EVC2: variants seen among roughly 807,000 people sequenced by gnomAD.
The protein encoded by EVC2 is EvC ciliary complex subunit 2.
Under a neutral mutation model 149.3 loss-of-function variants are expected in EVC2, and 148 were observed. The ratio of observed to expected loss-of-function variants is 0.99; its 90% CI spans 0.87 to 1.14. The LOEUF (loss-of-function observed/expected upper bound fraction) is 1.14. Ranked by LOEUF, EVC2 falls within the 50% of genes most tolerant of loss-of-function variation. The pLI is 0.00. For synonymous variants in EVC2, 776 were observed against 649.9 expected (o/e 1.19, Z -2.95); for missense variants, 1,854 against 1,627.3 (o/e 1.14, Z -2.40).
chr4:5,662,703 T>C (rs546703975), intron 9 of EVC2, among the ~76,000 whole-genome samples: 59 of 147,594 alleles, frequency 4.0e-4, no homozygotes, highest in African/African-American at 1.4e-3. Flanking sequence ...ATTATTAAAA[T>C]AATAATTATT....
chr4:5,574,897 A>G, intron 18 of EVC2, 125 bp from the exon 19 acceptor site: 1 of 999,802 alleles, frequency 1.0e-6, no homozygotes, highest in Non-Finnish European at 1.5e-6. Flanking sequence ...ATATGTCCAT[A>G]GAAAGAGATG....
chr4:5,672,010 T>C (rs1719679238), intron 7 of EVC2, among the ~76,000 whole-genome samples: 1 of 152,180 alleles, frequency 6.6e-6, no homozygotes, highest in Non-Finnish European at 1.5e-5. Flanking sequence ...TACTAGGTGC[T>C]GGAAGAACGA....
chr4:5,665,784 G>T, intron 7 of EVC2, 135 bp from the exon 8 acceptor site: 6 of 1,396,782 alleles, frequency 4.3e-6, no homozygotes, highest in Non-Finnish European at 5.9e-6. Flanking sequence ...CGCTCTGCCA[G>T]CTACCAGCTG....
At chr4:5,554,752 C>G (rs1422803721) in intron 21 of EVC2, among the ~76,000 whole-genome samples, 2 of 152,260 alleles carry the variant, frequency 1.3e-5, no homozygotes, top group South Asian at 2.1e-4. Context: ...AGAAGCCCTT[C>G]CAGAGTATTT....
At chr4:5,574,550 G>C (rs370437006) in intron 19 of EVC2, 135 bp downstream of exon 19, 28 of 872,306 alleles carry the variant, frequency 3.2e-5, no homozygotes, top group Non-Finnish European at 5.0e-5. Context: ...CTAGAGCTTC[G>C]CACACATCTG....
In EVC2 at chr4:5,562,990, G is replaced by A; in HGVS notation, c.3785C>T (p.Thr1262Ile). 6.2e-7 allele frequency: 1 copy of A among 1,614,146 alleles called. No homozygotes were observed. The highest frequency in any genetic ancestry group is 8.5e-7 in the Non-Finnish European group (1 of 1,180,022). ...LAPVPIVGAE[T>I]IDLLNTGEKL... is the part of the protein sequence containing the mutation. The stretch of plus-strand genomic sequence containing the variant: ...CTCTCCTGTGTTTAATAGATCAATG[G>A]TTTCTGCCCCTACAATGGGTACAGG... Residue 1262 changes from threonine to isoleucine, a missense_variant, in exon 22 of 22, where the codon ACC (threonine) becomes ATC (isoleucine). Coordinates refer to ENST00000344408, the MANE Select transcript of EVC2 (RefSeq NM_147127.5). This position sits in a 1 kb window ranked among gnomAD's most constrained non-coding sequence, Gnocchi z 4.3.
intron 21 of EVC2, among the ~76,000 whole-genome samples, chr4:5,563,899 C>G (rs1722103824): frequency 6.6e-6 from 1 of 152,082 alleles, no homozygotes; most frequent in Non-Finnish European, 1.5e-5. Flanking sequence ...GTGTGGCACA[C>G]TTTGAGAATG....
At chr4:5,553,883 C>T (rs1721785068) in intron 21 of EVC2, among the ~76,000 whole-genome samples, 6 of 152,138 alleles carry the variant, frequency 3.9e-5, no homozygotes. Flanking sequence ...AAAAAATCCC[C>T]AGGCATGCAA....
intron 1 of EVC2, among the ~76,000 whole-genome samples, chr4:5,704,738 T>C (rs1322404672): frequency 5.9e-5 from 9 of 152,144 alleles, no homozygotes; most frequent in Non-Finnish European, 1.0e-4. Flanking sequence ...GAGGGTCTTG[T>C]TCTGCCATCC....
At chr4:5,654,373 C>A (rs997067426) in intron 9 of EVC2, among the ~76,000 whole-genome samples, 2 of 152,166 alleles carry the variant, frequency 1.3e-5, no homozygotes, top group African/African-American at 4.8e-5. Context: ...AGAAGGAGGT[C>A]ACACATGAAT....
intron 9 of EVC2, among the ~76,000 whole-genome samples, chr4:5,653,452 A>T (rs1718283731): frequency 6.6e-6 from 1 of 152,190 alleles, no homozygotes. Flanking sequence ...CAGTATCCAG[A>T]TTCTAAGATT....
rs896541216 is a variant in EVC2 at position 5,613,954 on chromosome 4, A to C, written c.2829+1468T>G. 9.9e-5 allele frequency among the ~76,000 whole-genome samples: 15 copies of C among 152,140 alleles called. 2 individuals are homozygous for C. On this transcript the variant is annotated intron_variant, in intron 16 of 21. Transcript: ENST00000344408. The surrounding 1 kb of genome is among the most constrained non-coding windows in gnomAD (Gnocchi z 4.6). The stretch of plus-strand genomic sequence containing the variant: ...CGTGCATTCGTGTTCTGAGAAATAC[A>C]CCGGCACTAAAATAAAAACAAGCAA...
At position 5,687,288 on chromosome 4, in the gene EVC2, A is replaced by G. The variant is rs531926091; in HGVS notation, c.707-1809T>C. On this transcript the variant is annotated intron_variant, in intron 5 of 21. Transcript: ENST00000344408. ...AAAAGAAAAGAAAAGAAAAGAAAAAACCACCAACAAAATACCTCCTATTAC... is the reference window on the plus strand; with the variant it reads ...AAAAGAAAAGAAAAGAAAAGAAAAAGCCACCAACAAAATACCTCCTATTAC... Among the ~76,000 whole-genome samples the G allele has an allele frequency of 3.3e-5, 5 of 152,026 alleles. No individual in the cohort carries two copies. The South Asian group carries it at 6.2e-4, about 19-fold the overall frequency.
In EVC2 at chr4:5,563,015, G is replaced by A; in HGVS notation, c.3760C>T (p.Pro1254Ser). Residue 1254 changes from proline (P) to serine (S), a missense_variant, in exon 22 of 22, where the codon CCT (proline) becomes TCT (serine). Pro to Ser is a moderately conservative substitution (Grantham distance 74). Transcript: ENST00000344408. ...LSLEPIGELA[P>S]VPIVGAETID... ...GTTTCTGCCCCTACAATGGGTACAG[G>A]GGCCAGTTCGCCAATGGGCTCCAGT... 4 of 1,614,192 alleles carry A rather than the reference G, an allele frequency of 2.5e-6. No individual in the cohort carries two copies. The highest frequency in any genetic ancestry group is 2.5e-6 in the Non-Finnish European group (3 of 1,180,042).
intron 5 of EVC2, 24 bp downstream of exon 5, chr4:5,689,133 G>A (rs780889352): frequency 1.2e-6 from 2 of 1,613,132 alleles, no homozygotes; most frequent in South Asian, 1.1e-5. Context: ...TGTCATCCCT[G>A]ACTTCAGAAC....
At chr4:5,662,878 T>C (rs1718993060) in intron 9 of EVC2, among the ~76,000 whole-genome samples, 1 of 152,012 alleles carries the variant, frequency 6.6e-6, no homozygotes, top group African/African-American at 2.4e-5. Context: ...CTTCTGTTTA[T>C]GTTTCAGTCT....
intron 9 of EVC2, among the ~76,000 whole-genome samples, chr4:5,655,423 T>C (rs1471255803): frequency 2.0e-5 from 3 of 152,144 alleles, no homozygotes; most frequent in African/African-American, 7.2e-5. Flanking sequence ...GAGGACCCTC[T>C]TTCAGAGACT....
Position 5,562,460 on chromosome 4 carries a change from T to A in EVC2, c.*388A>T. 2 of 1,070,248 alleles carry A rather than the reference T, an allele frequency of 1.9e-6. No individual in the cohort carries two copies. Among genetic ancestry groups the A allele is most frequent in the Non-Finnish European group, 2.3e-6 (2 of 879,046 alleles). The allele number at this position is 1,070,248 out of a possible 1,614,324, so 66.3% of individuals were successfully genotyped here. Reference sequence around the variant, plus strand: ...CAGCTTTGTGCAAAACACATTTATTTTTTAAAATTCCCTTTATAAAAATAG... The same window carrying A: ...CAGCTTTGTGCAAAACACATTTATTATTTAAAATTCCCTTTATAAAAATAG... On this transcript the variant is annotated 3_prime_UTR_variant, in exon 22 of 22. Transcript: ENST00000344408. This position sits in a 1 kb window ranked among gnomAD's most constrained non-coding sequence, Gnocchi z 4.3.
intron 2 of EVC2, among the ~76,000 whole-genome samples, chr4:5,695,391 T>A (rs934447416): frequency 4.6e-5 from 7 of 152,010 alleles, no homozygotes; most frequent in Non-Finnish European, 1.0e-4. Flanking sequence ...ATGACTCCCT[T>A]AGATTTTTCT....
Sources: gnomAD v4.1 joint callset for allele counts (sites outside exome capture counted in the v4.1 genomes callset) on GRCh38, gnomAD v4.1.1 for gene constraint, Gnocchi (gnomAD v3.1) non-coding constraint, MANE v1.5 for transcripts, NCBI Gene and HGNC (gene_info 2026-07-23, HGNC 2026-07-21) for gene names.